Variants in CFH observed in about 807,000 individuals in gnomAD.
CFH encodes H factor 1 (complement).
In CFH, 53 loss-of-function variants were observed where a neutral mutation model predicts 147.3. The observed-to-expected ratio is 0.36, with a 90% CI of 0.29 to 0.45. The LOEUF (loss-of-function observed/expected upper bound fraction) is 0.45, where lower values mean the gene tolerates loss of function less well. Ranked by LOEUF, CFH falls within the 20% of genes least tolerant of loss-of-function variation. CFH has a pLI of 1.00. For missense variants in CFH, 1,380 were observed against 1,498.0 expected, an observed-to-expected ratio of 0.92 and a Z score of 1.30; for synonymous variants, 536 against 489.4, an observed-to-expected ratio of 1.10 and a Z score of -1.26.
At chr1:196,709,791 T>C (rs946191049) in intron 9 of CFH, among the ~76,000 whole-genome samples, 6 of 151,612 alleles carry the variant, frequency 4.0e-5, no homozygotes, top group Non-Finnish European at 8.8e-5. Context: ...AGGTTCTGCA[T>C]ATGAAAAAAA....
intron 11 of CFH, among the ~76,000 whole-genome samples, chr1:196,723,667 G>C (rs1669056971): frequency 6.6e-6 from 1 of 152,010 alleles, no homozygotes; most frequent in African/African-American, 2.4e-5. Context: ...TGAGGAGCTG[G>C]GGACAAAGCG....
At chr1:196,696,450 C>T (rs1668275698) in intron 9 of CFH, among the ~76,000 whole-genome samples, 2 of 152,130 alleles carry the variant, frequency 1.3e-5, no homozygotes, top group African/African-American at 2.4e-5. Context: ...ATCTGGGACA[C>T]AGTTAAAGCA....
At chr1:196,687,589 C>T (rs1301677353) in intron 7 of CFH, among the ~76,000 whole-genome samples, 1 of 151,974 alleles carries the variant, frequency 6.6e-6, no homozygotes, top group Admixed American at 6.6e-5. Flanking sequence ...TCTACTCTAC[C>T]ATTTAATGTG....
chr1:196,739,769 G>C (rs960162566), intron 17 of CFH, among the ~76,000 whole-genome samples: 1 of 152,104 alleles, frequency 6.6e-6, no homozygotes, highest in Admixed American at 6.6e-5. Context: ...CAGTTCCAAA[G>C]CTGCTTCCAC....
At chr1:196,741,740 T>A in intron 18 of CFH, 135 bp from the exon 19 acceptor site, 1 of 750,332 alleles carries the variant, frequency 1.3e-6, no homozygotes. Context: ...GCTAATATAT[T>A]TTCTCAAGTT....
At chr1:196,652,241 C>T (rs1423156155) in intron 1 of CFH, 66 bp downstream of exon 1, 9 of 1,241,980 alleles carry the variant, frequency 7.2e-6, no homozygotes, top group Non-Finnish European at 1.1e-5. Context: ...ATGCTTTTCA[C>T]AGGAGTAATA....
intron 9 of CFH, among the ~76,000 whole-genome samples, chr1:196,711,069 G>A (rs1219501553): frequency 6.6e-6 from 1 of 151,984 alleles, no homozygotes; most frequent in Non-Finnish European, 1.5e-5. Context: ...TAAGCAATTT[G>A]TGTTATTTTT....
intron 11 of CFH, among the ~76,000 whole-genome samples, chr1:196,716,992 A>G (rs1375552503): frequency 6.6e-6 from 1 of 152,078 alleles, no homozygotes; most frequent in Non-Finnish European, 1.5e-5. Context: ...TGAAAAGAGC[A>G]AAGAGCTCAA....
At chr1:196,732,690 AT>A (rs1325503551) in intron 15 of CFH, among the ~76,000 whole-genome samples, 1 of 151,846 alleles carries the variant, frequency 6.6e-6, no homozygotes, top group East Asian at 1.9e-4. Flanking sequence ...GCTGTCTCTT[AT>A]TTTTTGTGGC....
chr1:196,681,007 G>T (rs1667632030), intron 6 of CFH, among the ~76,000 whole-genome samples: 1 of 151,828 alleles, frequency 6.6e-6, no homozygotes, highest in South Asian at 2.1e-4. Context: ...GGTGTGTGGG[G>T]TCCAACTATT....
intron 9 of CFH, among the ~76,000 whole-genome samples, chr1:196,703,261 TA>T (rs1668505292): frequency 6.6e-6 from 1 of 152,092 alleles, no homozygotes; most frequent in South Asian, 2.1e-4. Flanking sequence ...CAAAGGCCAA[TA>T]AAAACGGACA....
intron 11 of CFH, among the ~76,000 whole-genome samples, chr1:196,724,027 G>A (rs1411590219): frequency 6.6e-6 from 1 of 152,004 alleles, no homozygotes; most frequent in Non-Finnish European, 1.5e-5. Context: ...GCCAAACACC[G>A]CGTCTGCGTG....
chr1:196,677,453 A>G (rs954038455), intron 4 of CFH, 23 bp from the exon 5 acceptor site: 10 of 1,606,988 alleles, frequency 6.2e-6, no homozygotes, highest in Non-Finnish European at 8.5e-6. Flanking sequence ...TCCATTAGAA[A>G]ACATTACATG....
intron 2 of CFH, 33 bp from the exon 3 acceptor site, chr1:196,673,824 C>T: frequency 7.8e-7 from 1 of 1,286,924 alleles, no homozygotes; most frequent in Non-Finnish European, 1.1e-6. Flanking sequence ...CTTGCTATTA[C>T]ATACTAATTC....
intron 9 of CFH, among the ~76,000 whole-genome samples, chr1:196,707,390 T>G (rs150557266): frequency 6.6e-6 from 1 of 152,300 alleles, no homozygotes; most frequent in East Asian, 1.9e-4. Flanking sequence ...AATCTTTAGG[T>G]TGTACTTTAA....
At chr1:196,661,886 G>GTTTGT (rs61521436) in intron 1 of CFH, among the ~76,000 whole-genome samples, 4,214 of 152,024 alleles carry the variant, frequency 0.028, 220 homozygotes, top group African/African-American at 0.096. Flanking sequence ...GTTTTGTTTT[G>GTTTGT]TTTGTTTTGT....
intron 1 of CFH, among the ~76,000 whole-genome samples, chr1:196,661,125 G>A (rs1400197237): frequency 6.6e-6 from 1 of 152,132 alleles, no homozygotes; most frequent in Non-Finnish European, 1.5e-5. Context: ...CCATCTAGTG[G>A]AGTAGAATAT....
At chr1:196,677,207 A>G (rs973271787) in intron 4 of CFH, 32 of 337,284 alleles carry the variant, frequency 9.5e-5, no homozygotes, top group Admixed American at 1.8e-4. Context: ...TTATTTAAAA[A>G]TACTAGTTTG....
chr1:196,714,660 TATATATATAGAGAGAGAGAG>T (rs1395986484), intron 10 of CFH, among the ~76,000 whole-genome samples: 1,186 of 43,026 alleles, frequency 0.028, 3 homozygotes, highest in East Asian at 0.085. Context: ...TATATATATA[TATATATATAGAGAGAGAGAG>T]AGAGAGAGAG....
Sources: gnomAD v4.1 joint callset for allele counts (sites outside exome capture counted in the v4.1 genomes callset) on GRCh38, gnomAD v4.1.1 for gene constraint, MANE v1.5 for transcripts, NCBI Gene and HGNC (gene_info 2026-07-23, HGNC 2026-07-21) for gene names.